FAF1: variants seen among roughly 807,000 people sequenced by gnomAD.
The protein encoded by FAF1 is FAS-associated factor 1.
A neutral mutation model predicts 92.5 loss-of-function variants in FAF1; 25 were observed. That is an observed-to-expected ratio of 0.27 (90% CI 0.20 to 0.38). FAF1 has a LOEUF of 0.38. Among genes scored for constraint, FAF1 ranks in the 10% least tolerant of loss-of-function variants. FAF1 has a pLI of 1.00. For missense variants in FAF1, 636 were observed against 793.3 expected, an observed-to-expected ratio of 0.80 and a Z score of 2.38; for synonymous variants, 234 against 273.2, an observed-to-expected ratio of 0.86 and a Z score of 1.42.
intron 13 of FAF1, among the ~76,000 whole-genome samples, chr1:50,544,556 C>T (rs1422746302): frequency 6.6e-6 from 1 of 152,168 alleles, no homozygotes; most frequent in Non-Finnish European, 1.5e-5. Context: ...AAGAAATCAT[C>T]ATAAAAATAT....
intron 2 of FAF1, among the ~76,000 whole-genome samples, chr1:50,811,661 T>G (rs1254004643): frequency 6.6e-6 from 1 of 152,222 alleles, no homozygotes; most frequent in Non-Finnish European, 1.5e-5. Context: ...TTCAGTGCTA[T>G]TCGTATCAAA....
At chr1:50,888,500 T>C (rs1483622757) in intron 1 of FAF1, among the ~76,000 whole-genome samples, 2 of 152,208 alleles carry the variant, frequency 1.3e-5, no homozygotes, top group African/African-American at 2.4e-5. Context: ...CAGTATGATA[T>C]TGGCTGTGGG....
rs569959884 is a variant in FAF1, at chr1:50,467,151, G to A, written c.1869+8313C>T. 3.9e-5 allele frequency among the ~76,000 whole-genome samples: 6 copies of A among 152,084 alleles called. No homozygotes were observed. The South Asian group carries it at 1.2e-3, about 32-fold the overall frequency. On this transcript the variant is annotated intron_variant, in intron 18 of 18. Transcript: ENST00000396153. ...TCCTTGGCACTAAGCAGAGTGGCTG[G>A]CAAAATAAAACTGTATTGGATAAAC...
chr1:50,831,291 G>A (rs1433406823), intron 2 of FAF1, among the ~76,000 whole-genome samples: 1 of 152,160 alleles, frequency 6.6e-6, no homozygotes, highest in Non-Finnish European at 1.5e-5. Context: ...TTTTGACCCA[G>A]TGTCTTTACA....
In FAF1 at chr1:50,539,728, T is replaced by G; in HGVS notation, c.1269A>C (p.Arg423Ser). 1 of 1,607,340 alleles carries G rather than the reference T, an allele frequency of 6.2e-7. No individual in the cohort carries two copies. The highest frequency in any genetic ancestry group is 8.5e-7 in the Non-Finnish European group (1 of 1,176,384). ...WDLTKDSNRA[R>S]FLTMCNRHFG... ...AGTGTCTATTGCACATAGTGAGAAATCTAAAAGGAGACAAAATACAAAGTA... is the reference window on the plus strand; with the variant it reads ...AGTGTCTATTGCACATAGTGAGAAAGCTAAAAGGAGACAAAATACAAAGTA... Residue 423 changes from arginine (R) to serine (S), a missense_variant and splice_region_variant, in exon 14 of 19, where the codon AGA becomes AGC. Around this residue, in one of 2 missense-constraint regions of FAF1, gnomAD observed 319 missense variants for 451.0 expected, o/e 0.71. Transcript: ENST00000396153.
At chr1:50,678,622 A>G (rs1656264007) in intron 7 of FAF1, among the ~76,000 whole-genome samples, 1 of 151,892 alleles carries the variant, frequency 6.6e-6, no homozygotes, top group Non-Finnish European at 1.5e-5. Context: ...TCTACTAAAA[A>G]TACAAAAATT....
intron 4 of FAF1, among the ~76,000 whole-genome samples, chr1:50,781,656 G>T (rs1242693701): frequency 6.6e-6 from 1 of 152,094 alleles, no homozygotes; most frequent in African/African-American, 2.4e-5. Context: ...CAACCAAACA[G>T]ATCTAACAGA....
At chr1:50,471,512 G>A (rs1248779588) in intron 18 of FAF1, among the ~76,000 whole-genome samples, 1 of 152,314 alleles carries the variant, frequency 6.6e-6, no homozygotes, top group East Asian at 1.9e-4. Flanking sequence ...TAGTTACAGA[G>A]ATAAAAACCT....
intron 1 of FAF1, among the ~76,000 whole-genome samples, chr1:50,892,383 T>C (rs1032588717): frequency 1.3e-5 from 2 of 152,244 alleles, no homozygotes; most frequent in Non-Finnish European, 1.5e-5. Context: ...CCCAGTGAGA[T>C]GAACCTGGTA....
intron 4 of FAF1, among the ~76,000 whole-genome samples, chr1:50,785,846 G>A (rs1661342013): frequency 6.6e-6 from 1 of 152,126 alleles, no homozygotes; most frequent in African/African-American, 2.4e-5. Context: ...ACACTCCCAT[G>A]GCTGGGCACA....
intron 7 of FAF1, among the ~76,000 whole-genome samples, chr1:50,678,705 G>A (rs753594190): frequency 2.7e-5 from 4 of 148,328 alleles, no homozygotes; most frequent in African/African-American, 5.0e-5. Context: ...GCTTGAACCC[G>A]GGAGGCAGAG....
Position 50,584,249 on chromosome 1 carries a change from G to A in FAF1, c.967+436C>T, listed in dbSNP as rs555725082. Among the ~76,000 whole-genome samples, 6 of 152,204 alleles carry A rather than the reference G, an allele frequency of 3.9e-5. No individual in the cohort carries two copies. In the South Asian group the frequency reaches 1.2e-3, roughly 32 times the overall value. ...TAGTACACATCTTGTAAGTGGAAGT[G>A]AAAGAGATGGTACATTTAGTTTACT... is the stretch of plus-strand genomic sequence containing the variant. On this transcript the variant is annotated intron_variant, in intron 10 of 18. Transcript: ENST00000396153.
At chr1:50,833,245 T>C (rs142299114) in intron 2 of FAF1, among the ~76,000 whole-genome samples, 42 of 152,206 alleles carry the variant, frequency 2.8e-4, no homozygotes, top group South Asian at 8.3e-4. Flanking sequence ...GGCTACAAAT[T>C]TGAAGTCTCC....
chr1:50,501,169 C>T (rs1646979418), intron 15 of FAF1, among the ~76,000 whole-genome samples: 1 of 152,238 alleles, frequency 6.6e-6, no homozygotes, highest in South Asian at 2.1e-4. Context: ...GTATCTAAAA[C>T]ACATAAAGAA....
At chr1:50,727,954 G>A (rs559805081) in intron 6 of FAF1, among the ~76,000 whole-genome samples, 82 of 152,264 alleles carry the variant, frequency 5.4e-4, no homozygotes, top group African/African-American at 1.7e-3. Context: ...TTTGGGACTC[G>A]GACTGATCCC....
chr1:50,900,490 C>T (rs760925455), intron 1 of FAF1, among the ~76,000 whole-genome samples: 2 of 152,016 alleles, frequency 1.3e-5, no homozygotes, highest in Non-Finnish European at 2.9e-5. Context: ...TGAGAGTGAC[C>T]GAGCAAAGAG....
intron 4 of FAF1, among the ~76,000 whole-genome samples, chr1:50,750,436 TAC>T (rs1268725306): frequency 2.0e-5 from 3 of 152,126 alleles, no homozygotes; most frequent in Non-Finnish European, 2.9e-5. Context: ...GCCAAATATA[TAC>T]AGTGTTATAA....
chr1:50,736,286 A>T (rs575561045), intron 6 of FAF1, among the ~76,000 whole-genome samples: 4 of 152,238 alleles, frequency 2.6e-5, no homozygotes, highest in African/African-American at 7.2e-5. Context: ...TACAAATTAC[A>T]AATAAGATTT....
intron 18 of FAF1, among the ~76,000 whole-genome samples, chr1:50,451,389 CTA>C (rs1646291882): frequency 6.6e-6 from 1 of 152,270 alleles, no homozygotes; most frequent in South Asian, 2.1e-4. Flanking sequence ...TCATACAACT[CTA>C]TGAGGGAGGT....
Sources: allele counts gnomAD v4.1 joint callset (sites outside exome capture counted in the v4.1 genomes callset), GRCh38; gene constraint gnomAD v4.1.1; regional missense constraint gnomAD v4.1.1; transcripts MANE v1.5; gene names NCBI Gene and HGNC (gene_info 2026-07-23, HGNC 2026-07-21).